The following ZNF644 variants were observed in gnomAD, a reference collection of about 807,000 sequenced individuals.
ZNF644 encodes the protein zinc finger protein 644.
A neutral mutation model predicts 108.0 loss-of-function variants in ZNF644; 20 were observed. The observed-to-expected ratio is 0.19, with a 90% CI of 0.13 to 0.27. ZNF644 has a LOEUF of 0.27. Among genes scored for constraint, ZNF644 ranks in the 10% least tolerant of loss-of-function variants. The pLI is 1.00. For synonymous variants in ZNF644, 542 were observed against 539.1 expected, an observed-to-expected ratio of 1.01 and a Z score of -0.08; for missense variants, 1,338 against 1,548.9, an observed-to-expected ratio of 0.86 and a Z score of 2.29.
chr1:90,941,237 T>C lies in ZNF644; in HGVS notation c.117A>G (p.Lys39=), dbSNP rs770795177. Residue 39 remains lysine (K), a synonymous_variant, in exon 3 of 6, where the codon AAA becomes AAG. Transcript: ENST00000337393. ...AATTGTTGTCATCTAGGAGTTCTTC[T>C]TTAGCACCAGTAATATCGGTGTTTA... is the stretch of plus-strand genomic sequence containing the variant. ...LKINTDITGA[K]EELLDDNNFI... 3.6e-5 allele frequency: 57 copies of C among 1,603,814 alleles called. No homozygotes were observed. The African/African-American group carries it at 7.0e-4, about 20-fold the overall frequency.
intron 2 of ZNF644, among the ~76,000 whole-genome samples, chr1:90,946,225 C>T (rs747961831): frequency 6.6e-6 from 1 of 152,062 alleles, no homozygotes; most frequent in Non-Finnish European, 1.5e-5. Flanking sequence ...ACCTAGTGCA[C>T]ACTTCAAGAG....
chr1:90,989,940 C>T (rs971326846), intron 1 of ZNF644, among the ~76,000 whole-genome samples: 1 of 152,110 alleles, frequency 6.6e-6, no homozygotes, highest in Non-Finnish European at 1.5e-5. Context: ...ATAAACAGAT[C>T]AAGGGAATGT....
chr1:90,977,348 G>C (rs1227015478), intron 2 of ZNF644, among the ~76,000 whole-genome samples: 1 of 152,074 alleles, frequency 6.6e-6, no homozygotes, highest in African/African-American at 2.4e-5. Context: ...GGGAAAAAAA[G>C]GCAAATAATC....
At chr1:90,942,355 C>T (rs925843335) in intron 2 of ZNF644, among the ~76,000 whole-genome samples, 11 of 151,870 alleles carry the variant, frequency 7.2e-5, no homozygotes, top group African/African-American at 2.7e-4. Flanking sequence ...CCATTCACAC[C>T]ATGACTGTAA....
chr1:90,917,012 C>G (rs1648841180), intron 5 of ZNF644, 22 bp from the exon 6 acceptor site: 1 of 1,611,520 alleles, frequency 6.2e-7, no homozygotes, highest in Admixed American at 1.7e-5. Context: ...TAACAATTCT[C>G]TTAACATGAC....
In ZNF644 at chr1:90,915,607, A is replaced by G. The variant is rs1453486884; in HGVS notation, c.*1191T>C. 6.6e-6 allele frequency: 1 copy of G among 152,582 alleles called. No individual in the cohort carries two copies. The highest frequency in any genetic ancestry group is 1.5e-5 in the Non-Finnish European group (1 of 68,002). The allele number at this position is 152,582 out of a possible 1,614,324, so 9.5% of individuals were successfully genotyped here. A position where few individuals can be genotyped will look rare whatever the true frequency, so the allele number is the denominator to read the frequency against. On this transcript the variant is annotated 3_prime_UTR_variant, in exon 6 of 6. Coordinates refer to ENST00000337393, the MANE Select transcript of ZNF644 (RefSeq NM_201269.3). ...GAAAAAATTTTTAAAAAGAATCACA[A>G]TTTATCATGACCAAGACACCTGCAC... is the stretch of plus-strand genomic sequence containing the variant.
chr1:90,976,944 T>C (rs1205444202), intron 2 of ZNF644, among the ~76,000 whole-genome samples: 4 of 151,948 alleles, frequency 2.6e-5, no homozygotes, highest in Non-Finnish European at 5.9e-5. Flanking sequence ...TTTGTAAAAA[T>C]AACTCAGAGA....
Position 90,939,190 on chromosome 1 carries a change from A to C in ZNF644, c.2164T>G (p.Phe722Val). 6.2e-7 allele frequency: 1 copy of C among 1,613,804 alleles called. No homozygotes were observed. The highest frequency in any genetic ancestry group is 1.1e-5 in the South Asian group (1 of 91,070). ...GACTTTTCTTTTGCTGCTTGATGGAAATACTTAGGTTTTTGGTCAACGCTG... is the reference window on the plus strand; with the variant it reads ...GACTTTTCTTTTGCTGCTTGATGGACATACTTAGGTTTTTGGTCAACGCTG... ...KSSVDQKPKY[F>V]HQAAKEKSNA... is the part of the protein sequence containing the mutation. The change falls in exon 3 of 6, where the codon TTC becomes GTC. Residue 722 changes from phenylalanine (F) to valine (V), a missense_variant. Physicochemically the swap from Phe to Val is conservative, Grantham distance 50. Around this residue, in one of 6 missense-constraint regions of ZNF644, gnomAD observed 462 missense variants for 472.6 expected, o/e 0.98. Coordinates refer to ENST00000337393, the MANE Select transcript of ZNF644 (RefSeq NM_201269.3).
intron 1 of ZNF644, among the ~76,000 whole-genome samples, chr1:91,019,759 G>T (rs1198647270): frequency 6.6e-6 from 1 of 152,088 alleles, no homozygotes; most frequent in Non-Finnish European, 1.5e-5. Context: ...TAGAGACGGG[G>T]TTTCACCATG....
At chr1:90,968,382 C>T (rs1223419890) in intron 2 of ZNF644, among the ~76,000 whole-genome samples, 5 of 152,074 alleles carry the variant, frequency 3.3e-5, no homozygotes, top group Non-Finnish European at 7.4e-5. Context: ...TGTCAACTAG[C>T]TAATTTGCTT....
intron 1 of ZNF644, among the ~76,000 whole-genome samples, chr1:90,989,347 G>C (rs549903060): frequency 2.2e-4 from 34 of 151,856 alleles, no homozygotes; most frequent in Non-Finnish European, 4.0e-4. Flanking sequence ...TCAGGAGTTT[G>C]AGACTAGCCT....
intron 2 of ZNF644, among the ~76,000 whole-genome samples, chr1:90,954,624 C>G (rs983946326): frequency 5.3e-5 from 8 of 152,142 alleles, no homozygotes; most frequent in Non-Finnish European, 1.0e-4. Context: ...CCAGGTTGGT[C>G]TTGAACTCCT....
At position 90,937,867 on chromosome 1, in the gene ZNF644, A is replaced by T; in HGVS notation, c.3306T>A (p.Ile1102=). 1.2e-6 allele frequency: 2 copies of T among 1,613,878 alleles called. No homozygotes were observed. Among genetic ancestry groups the T allele is most frequent in the Non-Finnish European group, 1.7e-6 (2 of 1,179,876 alleles). Residue 1102 remains isoleucine (I), a synonymous_variant, in exon 4 of 6, where the codon ATT becomes ATA. Transcript: ENST00000337393. ...GTTTTTGAGCTACAAATGGTCTGGG[A>T]ATAATACGACGACTGTTCAATGCCT... ...ILKALNSRRI[I]PRPFVAQKLA...
At chr1:91,019,528 G>C (rs1275976150) in intron 1 of ZNF644, among the ~76,000 whole-genome samples, 3 of 152,126 alleles carry the variant, frequency 2.0e-5, no homozygotes, top group Non-Finnish European at 2.9e-5. Flanking sequence ...TTGTTTCACT[G>C]AAAGTCACTT....
chr1:90,979,404 C>T (rs1656331076), intron 2 of ZNF644, among the ~76,000 whole-genome samples: 1 of 152,076 alleles, frequency 6.6e-6, no homozygotes, highest in African/African-American at 2.4e-5. Context: ...ACCTGGGAGG[C>T]AGAGGTTGCA....
At chr1:90,949,984 A>C (rs1320309399) in intron 2 of ZNF644, among the ~76,000 whole-genome samples, 1 of 152,016 alleles carries the variant, frequency 6.6e-6, no homozygotes, top group Admixed American at 6.6e-5. Context: ...TGATTCAAAA[A>C]AATAGCGCTG....
At chr1:90,975,028 C>G (rs778980922) in intron 2 of ZNF644, among the ~76,000 whole-genome samples, 5 of 152,250 alleles carry the variant, frequency 3.3e-5, no homozygotes, top group Non-Finnish European at 7.4e-5. Context: ...CAGTCCTTCC[C>G]CACATTTTTT....
intron 2 of ZNF644, among the ~76,000 whole-genome samples, chr1:90,955,454 T>C (rs761478680): frequency 3.3e-5 from 5 of 152,248 alleles, no homozygotes; most frequent in African/African-American, 4.8e-5. Flanking sequence ...TCATCTACAC[T>C]GAAAAATCTG....
chr1:90,926,428 T>C (rs577073903), intron 4 of ZNF644, among the ~76,000 whole-genome samples: 52 of 152,286 alleles, frequency 3.4e-4, no homozygotes, highest in African/African-American at 1.3e-3. Context: ...CCTTCCTCCT[T>C]TGAAGGGCTT....
Sources: allele counts gnomAD v4.1 joint callset (sites outside exome capture counted in the v4.1 genomes callset), GRCh38; gene constraint gnomAD v4.1.1; regional missense constraint gnomAD v4.1.1; transcripts MANE v1.5; gene names NCBI Gene and HGNC (gene_info 2026-07-23, HGNC 2026-07-21).